The following MICAL2 variants were observed in gnomAD, a reference collection of about 807,000 sequenced individuals.
The protein encoded by MICAL2 is [F-actin]-monooxygenase MICAL2.
A neutral mutation model predicts 127.3 loss-of-function variants in MICAL2; 77 were observed. The ratio of observed to expected loss-of-function variants is 0.60; its 90% CI spans 0.50 to 0.73. The LOEUF (loss-of-function observed/expected upper bound fraction) is 0.73, where lower values mean the gene tolerates loss of function less well. Ranked by LOEUF, MICAL2 falls within the 30% of genes least tolerant of loss-of-function variation. The probability of loss-of-function intolerance (pLI) is 0.00; values close to 1 mark genes in which losing one functional copy is unlikely to be tolerated. For missense variants in MICAL2, 1,351 were observed against 1,434.4 expected, an observed-to-expected ratio of 0.94 and a Z score of 0.94; for synonymous variants, 570 against 551.1, an observed-to-expected ratio of 1.03 and a Z score of -0.48.
At chr11:12,243,306 G>C (rs2706629) in intron 20 of MICAL2, 152,080 of 152,910 alleles carry the variant, frequency 0.99, 75,632 homozygotes, top group Middle Eastern at 1. Context: ...TTAGGAAGTA[G>C]AGCCTCCTCC....
Position 12,261,562 on chromosome 11 carries a change from T to C in MICAL2, c.3335-918T>C, listed in dbSNP as rs1863112748. The C allele has an allele frequency of 7.1e-6, 7 of 985,370 alleles. No individual in the cohort carries two copies. The South Asian group carries it at 3.3e-4, about 46-fold the overall frequency. The allele number at this position is 985,370 out of a possible 1,614,324, so 61.0% of individuals were successfully genotyped here. A position where few individuals can be genotyped will look rare whatever the true frequency, so the allele number is the denominator to read the frequency against. ...CGGTGCGCAGTGTATCTGGAGTTGC[T>C]GGGCCCAAGATAGCTCTGTGGAGTT... On this transcript the variant is annotated intron_variant, in intron 26 of 27. Transcript: ENST00000683283.
At chr11:12,203,448 C>T (rs56065402) in intron 3 of MICAL2, among the ~76,000 whole-genome samples, 12,137 of 152,224 alleles carry the variant, frequency 0.08, 691 homozygotes, top group Middle Eastern at 0.13. Flanking sequence ...TTATCACAGC[C>T]GTCCCAGTGG....
upstream of MICAL2, among the ~76,000 whole-genome samples, chr11:12,275,133 G>A (rs1217629096): frequency 6.6e-6 from 1 of 152,206 alleles, no homozygotes; most frequent in Non-Finnish European, 1.5e-5. Flanking sequence ...CGAGGTGTTG[G>A]CTGGAGCAAC....
rs184247930 is a variant in MICAL2, at chr11:12,302,039, A to G, written c.5212+7182A>G. Among the ~76,000 whole-genome samples the G allele has an allele frequency of 2.6e-4, 39 of 152,292 alleles. No homozygotes were observed. In the East Asian group the frequency reaches 7.3e-3, roughly 29 times the overall value. On this transcript the variant is annotated intron_variant, in intron 29 of 34. Transcript: ENST00000646065. ...GCAGTCCATTATTCTGGCAACCTTG[A>G]GTTTTCTTAGGCAGGAACTTTAAGG...
intron 26 of MICAL2, chr11:12,260,440 A>T (rs1355172177): frequency 4.2e-6 from 5 of 1,200,774 alleles, no homozygotes; most frequent in South Asian, 3.8e-5. Flanking sequence ...TTTTAATTTT[A>T]ATTAGCCCAG....
intron 15 of MICAL2, among the ~76,000 whole-genome samples, chr11:12,232,928 G>T (rs967913453): frequency 1.3e-4 from 19 of 151,342 alleles, no homozygotes; most frequent in Non-Finnish European, 1.5e-4. Context: ...GTAGCATGAT[G>T]AAATCTCACA....
intron 33 of MICAL2, among the ~76,000 whole-genome samples, chr11:12,353,929 C>G (rs772713692): frequency 1.3e-5 from 2 of 152,298 alleles, no homozygotes; most frequent in Non-Finnish European, 2.9e-5. Flanking sequence ...AGTTAATGCT[C>G]TAAGTCAAGT....
At position 12,148,719 on chromosome 11, in the gene MICAL2, A is replaced by G. The variant is rs552308504; in HGVS notation, c.-78+10259A>G. On this transcript the variant is annotated intron_variant, in intron 2 of 27. Coordinates refer to ENST00000683283, the MANE Select transcript of MICAL2 (RefSeq NM_001282663.2). Reference sequence around the variant, plus strand: ...CTTGCAGCCTTCAGCTTCAGAACGCACAGTCAGGTGAGGTAGGAGGGGCCA... The same window carrying G: ...CTTGCAGCCTTCAGCTTCAGAACGCGCAGTCAGGTGAGGTAGGAGGGGCCA... Among the ~76,000 whole-genome samples the G allele has an allele frequency of 2.0e-5, 3 of 152,344 alleles. No individual in the cohort carries two copies. In the South Asian group the frequency reaches 6.2e-4, roughly 32 times the overall value.
chr11:12,340,062 C>A (rs1938834915), intron 32 of MICAL2, among the ~76,000 whole-genome samples: 1 of 152,224 alleles, frequency 6.6e-6, no homozygotes, highest in African/African-American at 2.4e-5. Context: ...CATCTTGGCT[C>A]TACCTTCCAG....
intron 12 of MICAL2, chr11:12,224,460 A>G: frequency 1.7e-6 from 1 of 575,760 alleles, no homozygotes; most frequent in South Asian, 2.3e-5. Flanking sequence ...GGAAGAGAAC[A>G]TGCTTCCTCT....
At chr11:12,319,663 G>A in intron 29 of MICAL2, 1 of 1,439,886 alleles carries the variant, frequency 6.9e-7, no homozygotes, top group Non-Finnish European at 9.8e-7. Context: ...AATGAAGCTA[G>A]CAGTTCATTG....
intron 23 of MICAL2, 59 bp from the exon 24 acceptor site, chr11:12,256,726 T>C: frequency 6.8e-7 from 1 of 1,467,134 alleles, no homozygotes; most frequent in Middle Eastern, 1.8e-4. Flanking sequence ...AGCCTTGGCC[T>C]GGCATTTGAA....
rs117310967 is a variant in MICAL2 at position 12,322,071 on chromosome 11, C to T, written c.5329-1907C>T. Among the ~76,000 whole-genome samples, 222 of 151,998 alleles carry T rather than the reference C, an allele frequency of 1.5e-3. No individual in the cohort carries two copies. The East Asian group carries it at 0.029, about 20-fold the overall frequency. ...CATCTTGTATAAGTTAATTTCCTCT[C>T]TGAGTTTTTATTTCCTTACCTATAA... On this transcript the variant is annotated intron_variant, in intron 30 of 34. Transcript: ENST00000646065.
At chr11:12,193,381 A>T (rs552373527) in intron 3 of MICAL2, among the ~76,000 whole-genome samples, 3 of 152,140 alleles carry the variant, frequency 2.0e-5, no homozygotes, top group Non-Finnish European at 2.9e-5. Flanking sequence ...GAGCAATAGG[A>T]ATTGGTGAAA....
chr11:12,261,729 T>A (rs192484445), intron 26 of MICAL2: 4 of 985,350 alleles, frequency 4.1e-6, no homozygotes, highest in African/African-American at 1.7e-5. Context: ...CCTGAAATCC[T>A]TGGGAAAAAC....
rs187982928 is a variant in MICAL2 at position 12,162,651 on chromosome 11, G to A, written c.264+232G>A. Among the ~76,000 whole-genome samples the A allele has an allele frequency of 4.4e-4, 67 of 152,358 alleles. No homozygotes were observed. In the Middle Eastern group the frequency reaches 0.014, roughly 31 times the overall value. ...GGAGGGAAGCCAGAGGCAAAGTTGA[G>A]GGAGAGAAGCCCATGCTTGATATTA... On this transcript the variant is annotated intron_variant, in intron 3 of 27. Coordinates refer to ENST00000683283, the MANE Select transcript of MICAL2 (RefSeq NM_001282663.2).
intron 1 of MICAL2, among the ~76,000 whole-genome samples, chr11:12,123,850 C>G (rs538913678): frequency 1.3e-4 from 20 of 152,162 alleles, no homozygotes; most frequent in Admixed American, 1.0e-3. Flanking sequence ...TTAGTTTGTT[C>G]AGATCTTTTT....
intron 6 of MICAL2, among the ~76,000 whole-genome samples, chr11:12,210,720 T>C (rs764102462): frequency 6.6e-6 from 1 of 152,194 alleles, no homozygotes; most frequent in Non-Finnish European, 1.5e-5. Context: ...AGTTGGGCAT[T>C]TCTTGAACAT....
chr11:12,343,821 A>T (rs996238819), intron 32 of MICAL2, among the ~76,000 whole-genome samples: 1 of 152,220 alleles, frequency 6.6e-6, no homozygotes, highest in African/African-American at 2.4e-5. Context: ...TGTTTTCTCT[A>T]TCAAGGAAAA....
Sources: gnomAD v4.1 joint callset for allele counts (sites outside exome capture counted in the v4.1 genomes callset) on GRCh38, gnomAD v4.1.1 for gene constraint, MANE v1.5 for transcripts, NCBI Gene and HGNC (gene_info 2026-07-23, HGNC 2026-07-21) for gene names.